The following CNTNAP2 variants were observed in gnomAD, a reference collection of about 807,000 sequenced individuals.
The protein encoded by CNTNAP2 is contactin-associated protein-like 2.
A neutral mutation model predicts 155.2 loss-of-function variants in CNTNAP2; 98 were observed. That is an observed-to-expected ratio of 0.63 (90% CI 0.54 to 0.75). The LOEUF (loss-of-function observed/expected upper bound fraction) is 0.75, where lower values mean the gene tolerates loss of function less well. Among genes scored for constraint, CNTNAP2 ranks in the 30% least tolerant of loss-of-function variants. The probability of loss-of-function intolerance (pLI) is 0.00; values close to 1 mark genes in which losing one functional copy is unlikely to be tolerated. For synonymous variants in CNTNAP2, 651 were observed against 631.2 expected (o/e 1.03, Z -0.47); for missense variants, 1,727 against 1,688.1 (o/e 1.02, Z -0.40).
chr7:147,630,932 C>T (rs1392044027), intron 12 of CNTNAP2, among the ~76,000 whole-genome samples: 1 of 151,966 alleles, frequency 6.6e-6, no homozygotes, highest in African/African-American at 2.4e-5. Flanking sequence ...ATGCCCACCC[C>T]CACCACCTCT....
intron 12 of CNTNAP2, among the ~76,000 whole-genome samples, chr7:147,589,097 ACT>A (rs1563011103): frequency 6.6e-6 from 1 of 152,124 alleles, no homozygotes; most frequent in African/African-American, 2.4e-5. Flanking sequence ...AAAGAAAAAA[ACT>A]CTACCACTTA....
chr7:147,989,445 C>T (rs1563159296), intron 15 of CNTNAP2, among the ~76,000 whole-genome samples: 1 of 152,212 alleles, frequency 6.6e-6, no homozygotes, highest in African/African-American at 2.4e-5. Context: ...TGTCCCCAGT[C>T]CTTGCACATA....
At chr7:146,277,083 C>A (rs1309831555) in intron 1 of CNTNAP2, among the ~76,000 whole-genome samples, 1 of 152,070 alleles carries the variant, frequency 6.6e-6, no homozygotes, top group Non-Finnish European at 1.5e-5. Flanking sequence ...AGAGGACACA[C>A]AGGAGAGGTT....
intron 8 of CNTNAP2, among the ~76,000 whole-genome samples, chr7:147,263,839 T>C (rs1182606831): frequency 6.6e-6 from 1 of 152,166 alleles, no homozygotes; most frequent in Non-Finnish European, 1.5e-5. Context: ...TAATTAAAAA[T>C]CAGTTCACTC....
intron 1 of CNTNAP2, among the ~76,000 whole-genome samples, chr7:146,285,512 G>A (rs563167968): frequency 6.6e-5 from 10 of 152,116 alleles, no homozygotes; most frequent in East Asian, 1.9e-4. Flanking sequence ...TTATTAAGAA[G>A]TGAACTATTT....
intron 4 of CNTNAP2, among the ~76,000 whole-genome samples, chr7:147,075,620 A>T (rs1481570676): frequency 6.6e-6 from 1 of 152,092 alleles, no homozygotes; most frequent in African/African-American, 2.4e-5. Flanking sequence ...AAATGAATAA[A>T]TTTCTTCTTT....
intron 2 of CNTNAP2, among the ~76,000 whole-genome samples, chr7:146,822,756 TAAG>T (rs1191084448): frequency 4.1e-5 from 6 of 147,586 alleles, no homozygotes; most frequent in East Asian, 2.0e-4. Flanking sequence ...AGTGTATACT[TAAG>T]AATATTTATA....
At chr7:147,574,314 C>T (rs1035277135) in intron 12 of CNTNAP2, among the ~76,000 whole-genome samples, 2 of 152,052 alleles carry the variant, frequency 1.3e-5, no homozygotes, top group Non-Finnish European at 2.9e-5. Flanking sequence ...CAGCTTTCCT[C>T]ATATTCGTGA....
chr7:146,996,899 C>T (rs1169539550), intron 3 of CNTNAP2, among the ~76,000 whole-genome samples: 2 of 152,030 alleles, frequency 1.3e-5, no homozygotes, highest in East Asian at 1.9e-4. Flanking sequence ...ATACTGTTCT[C>T]GTGGCAGTGA....
At chr7:148,289,368 G>A (rs116599009) in intron 21 of CNTNAP2, among the ~76,000 whole-genome samples, 5,465 of 152,182 alleles carry the variant, frequency 0.036, 111 homozygotes, top group Non-Finnish European at 0.042. Context: ...TGAATGGCAA[G>A]ACTACATGTC....
chr7:147,312,156 A>C (rs940437800), intron 9 of CNTNAP2, among the ~76,000 whole-genome samples: 4 of 151,882 alleles, frequency 2.6e-5, no homozygotes, highest in Admixed American at 2.0e-4. Context: ...TTTTATTTTT[A>C]ATTTCTCTTT....
At chr7:146,951,981 G>T (rs1797323413) in intron 3 of CNTNAP2, among the ~76,000 whole-genome samples, 1 of 151,890 alleles carries the variant, frequency 6.6e-6, no homozygotes, top group African/African-American at 2.4e-5. Context: ...CATAACAAAA[G>T]AAAATTTCAG....
intron 10 of CNTNAP2, among the ~76,000 whole-genome samples, chr7:147,463,611 G>A (rs75426572): frequency 6.6e-6 from 1 of 152,240 alleles, no homozygotes; most frequent in African/African-American, 2.4e-5. Flanking sequence ...TTTCAAACAT[G>A]TTCAAATCCT....
Position 148,409,857 on chromosome 7 carries a change from T to C in CNTNAP2, c.3796+386T>C, listed in dbSNP as rs372687510. Among the ~76,000 whole-genome samples, 54 of 79,070 alleles carry C rather than the reference T, an allele frequency of 6.8e-4. 10 individuals carry two copies. Among genetic ancestry groups the C allele is most frequent in the Non-Finnish European group, 9.4e-4 (35 of 37,044 alleles). 51.9% of individuals were successfully genotyped at this position (79,070 alleles called of 152,430 possible). On this transcript the variant is annotated intron_variant, in intron 23 of 23. Coordinates refer to ENST00000361727, the MANE Select transcript of CNTNAP2 (RefSeq NM_014141.6). ...ACAAGGTCAGGAGATCGAGACCATC[T>C]TGGCTAACACGGTGAAACCCCGTCT...
At chr7:147,802,216 T>C (rs1421854918) in intron 13 of CNTNAP2, among the ~76,000 whole-genome samples, 5 of 108,432 alleles carry the variant, frequency 4.6e-5, no homozygotes, top group Non-Finnish European at 9.2e-5. Flanking sequence ...TCTCAGACGA[T>C]GGGCGGCCGG....
At chr7:147,822,021 A>T (rs1798370251) in intron 13 of CNTNAP2, among the ~76,000 whole-genome samples, 1 of 152,270 alleles carries the variant, frequency 6.6e-6, no homozygotes, top group Non-Finnish European at 1.5e-5. Context: ...ATAGTGTTTA[A>T]AAAAGAAGAA....
At chr7:146,364,625 C>T (rs985933611) in intron 1 of CNTNAP2, among the ~76,000 whole-genome samples, 6 of 151,938 alleles carry the variant, frequency 3.9e-5, no homozygotes, top group Admixed American at 2.0e-4. Flanking sequence ...TAAAGGACTC[C>T]GTATGACTAC....
chr7:147,092,949 G>A (rs947371285), intron 4 of CNTNAP2, among the ~76,000 whole-genome samples: 6 of 152,088 alleles, frequency 3.9e-5, no homozygotes, highest in African/African-American at 9.7e-5. Context: ...ATGGCCGGGC[G>A]CGGTGGCTCA....
At chr7:148,369,408 C>G (rs1187111459) in intron 21 of CNTNAP2, among the ~76,000 whole-genome samples, 1 of 151,434 alleles carries the variant, frequency 6.6e-6, no homozygotes, top group Non-Finnish European at 1.5e-5. Flanking sequence ...CTACACCTGG[C>G]TAATTTTTGC....
Sources: gnomAD v4.1 joint callset for allele counts (sites outside exome capture counted in the v4.1 genomes callset) on GRCh38, gnomAD v4.1.1 for gene constraint, MANE v1.5 for transcripts, NCBI Gene and HGNC (gene_info 2026-07-23, HGNC 2026-07-21) for gene names.